ATL2: variants seen among roughly 807,000 people sequenced by gnomAD.
ATL2 encodes atlastin-2.
ATL2 carries 31 observed loss-of-function variants against 73.9 expected under a neutral mutation model. That is an observed-to-expected ratio of 0.42 (90% CI 0.32 to 0.57). The LOEUF (loss-of-function observed/expected upper bound fraction) is 0.57, where lower values mean the gene tolerates loss of function less well. Among genes scored for constraint, ATL2 ranks in the 20% least tolerant of loss-of-function variants. The pLI is 0.14. For synonymous variants in ATL2, 291 were observed against 237.5 expected, an observed-to-expected ratio of 1.23 and a Z score of -2.07; for missense variants, 738 against 702.6, an observed-to-expected ratio of 1.05 and a Z score of -0.57.
intron 1 of ATL2, among the ~76,000 whole-genome samples, chr2:38,345,126 G>T (rs1558434696): frequency 6.6e-6 from 1 of 151,954 alleles, no homozygotes; most frequent in African/African-American, 2.4e-5. Flanking sequence ...TACTCCTGGG[G>T]ACCTTATCTT....
intron 2 of ATL2, among the ~76,000 whole-genome samples, chr2:38,337,040 T>C (rs1669397824): frequency 6.6e-6 from 1 of 151,900 alleles, no homozygotes; most frequent in Admixed American, 6.6e-5. Flanking sequence ...AAATCCAGAG[T>C]GGGAAACCCT....
chr2:38,359,853 C>A (rs895449525), intron 1 of ATL2, among the ~76,000 whole-genome samples: 12 of 151,954 alleles, frequency 7.9e-5, no homozygotes, highest in African/African-American at 2.7e-4. Flanking sequence ...GTTGGCCGGG[C>A]GCGGTGGCTC....
intron 1 of ATL2, among the ~76,000 whole-genome samples, chr2:38,374,097 G>A (rs555901772): frequency 3.6e-4 from 55 of 152,258 alleles, no homozygotes; most frequent in African/African-American, 1.3e-3. Context: ...CTCCATGTTG[G>A]TCAGGCTGGT....
intron 6 of ATL2, 74 bp from the exon 7 acceptor site, chr2:38,313,317 A>G (rs899471552): frequency 2.6e-5 from 27 of 1,045,728 alleles, no homozygotes; most frequent in Non-Finnish European, 7.0e-6. Context: ...ACTCTTAACA[A>G]TTGAAGCCTC....
chr2:38,309,530 C>T (rs1558393949), intron 8 of ATL2, 24 bp from the exon 9 acceptor site: 2 of 1,593,896 alleles, frequency 1.3e-6, no homozygotes, highest in Admixed American at 3.7e-5. Context: ...AATTGAGCAA[C>T]ATATTAGTCC....
rs80342288 is a variant in ATL2 at position 38,301,712 on chromosome 2, C to T, written c.1072-1384G>A. Among the ~76,000 whole-genome samples the T allele has an allele frequency of 6.8e-3, 1,042 of 152,356 alleles. 11 individuals are homozygous for T. The highest frequency in any genetic ancestry group is 0.056 in the East Asian group (293 of 5,186). ...CAGCCAGTCCTGCCACCATGGGCTA[C>T]AGTGCTCTGAGGTCCTGAATAAACT... On this transcript the variant is annotated intron_variant, in intron 9 of 12. Transcript: ENST00000378954.
chr2:38,377,372 G>A (rs1672053740), upstream of ATL2: 3 of 799,982 alleles, frequency 3.8e-6, no homozygotes, highest in Non-Finnish European at 3.7e-6. Context: ...CTCTCCGCCT[G>A]TATCTCCTCG....
At chr2:38,373,609 T>C (rs775026578) in intron 1 of ATL2, among the ~76,000 whole-genome samples, 7 of 152,144 alleles carry the variant, frequency 4.6e-5, no homozygotes, top group Middle Eastern at 3.2e-3. Context: ...TGTCTCAGAG[T>C]AGGTAGTGAA....
chr2:38,375,387 T>TG (rs1358006911), intron 1 of ATL2, among the ~76,000 whole-genome samples: 2 of 152,272 alleles, frequency 1.3e-5, no homozygotes, highest in East Asian at 3.9e-4. Context: ...GGCTATCAAG[T>TG]GAAGGTCTTG....
chr2:38,313,340 A>C (rs1219523439), intron 6 of ATL2, 97 bp from the exon 7 acceptor site: 1 of 821,162 alleles, frequency 1.2e-6, no homozygotes, highest in African/African-American at 1.7e-5. Context: ...TTACTCTCCT[A>C]AACAATCCTT....
At chr2:38,313,016 G>A (rs1667842224) in intron 7 of ATL2, 135 bp downstream of exon 7, 1 of 587,060 alleles carries the variant, frequency 1.7e-6, no homozygotes, top group South Asian at 2.4e-5. Context: ...ATTACAAACA[G>A]AGTCACTTGG....
At chr2:38,298,691 T>A in intron 11 of ATL2, 116 bp from the exon 12 acceptor site, 1 of 1,046,554 alleles carries the variant, frequency 9.6e-7, no homozygotes, top group Non-Finnish European at 1.4e-6. Context: ...GAGTCAGTTT[T>A]AAACTCACTT....
At position 38,326,067 on chromosome 2, in the gene ATL2, G is replaced by C. The variant is rs144286208; in HGVS notation, c.364-7048C>G. 7.2e-4 allele frequency among the ~76,000 whole-genome samples: 110 copies of C among 152,174 alleles called. No individual in the cohort carries two copies. In the East Asian group the frequency reaches 0.014, roughly 19 times the overall value. ...AGCCTGGGCAACATAAGGAGACTGT[G>C]TCTCAAAAAAGAATAAAAATAAAAC... On this transcript the variant is annotated intron_variant, in intron 2 of 12. Coordinates refer to ENST00000378954, the MANE Select transcript of ATL2 (RefSeq NM_001135673.4).
chr2:38,377,167 G>A lies in ATL2; in HGVS notation c.94C>T (p.His32Tyr), dbSNP rs1429375168. The A allele has an allele frequency of 2.5e-6, 4 of 1,610,802 alleles. No homozygotes were observed. The highest frequency in any genetic ancestry group is 1.7e-5 in the Admixed American group (1 of 59,936). ...CCTAGGGAGGTCGTGGACGAGACGTGGTTAACCGCGGCGCTTGGGTCGCTG... is the reference window on the plus strand; with the variant it reads ...CCTAGGGAGGTCGTGGACGAGACGTAGTTAACCGCGGCGCTTGGGTCGCTG... ...RTSDPSAAVN[H>Y]VSSTTSLGEN... The change falls in exon 1 of 13, where the codon CAC (histidine) becomes TAC (tyrosine). Residue 32 changes from histidine (H) to tyrosine (Y), a missense_variant. Coordinates refer to ENST00000378954, the MANE Select transcript of ATL2 (RefSeq NM_001135673.4).
chr2:38,330,142 G>GA (rs58004868), intron 2 of ATL2, among the ~76,000 whole-genome samples: 17,870 of 92,312 alleles, frequency 0.19, 2,584 homozygotes, highest in African/African-American at 0.45. Context: ...AGAAAAGAAA[G>GA]AAAAAAAAAA....
chr2:38,365,855 G>A (rs1369707157), intron 1 of ATL2, among the ~76,000 whole-genome samples: 1 of 152,032 alleles, frequency 6.6e-6, no homozygotes. Flanking sequence ...GCTGAGGCAG[G>A]AGAATGGTTT....
chr2:38,320,548 C>T (rs1480068127), intron 2 of ATL2, among the ~76,000 whole-genome samples: 2 of 151,946 alleles, frequency 1.3e-5, no homozygotes, highest in African/African-American at 2.4e-5. Flanking sequence ...TGAAATAATA[C>T]AAAAGTTAAC....
At chr2:38,358,648 T>G in intron 1 of ATL2, 1 of 196,984 alleles carries the variant, frequency 5.1e-6, no homozygotes, top group Non-Finnish European at 1.1e-5. Context: ...GCCGAGACCG[T>G]GCCACTGCAC....
Position 38,315,280 on chromosome 2 carries a change from G to A in ATL2, c.654+4C>T, listed in dbSNP as rs1260094146. 1.8e-5 allele frequency: 26 copies of A among 1,482,406 alleles called. No individual in the cohort carries two copies. Among genetic ancestry groups the A allele is most frequent in the African/African-American group, 7.4e-5 (5 of 67,334 alleles). 91.8% of individuals were successfully genotyped at this position (1,482,406 alleles called of 1,614,324 possible). Reference sequence around the variant, plus strand: ...AAATAAAAATTAAAAAAAGAAATACGTACTTGCAAATGTTGAAGATCATCT... The same window carrying A: ...AAATAAAAATTAAAAAAAGAAATACATACTTGCAAATGTTGAAGATCATCT... On this transcript the variant is annotated splice_donor_region_variant and intron_variant, in intron 5 of 12. Transcript: ENST00000378954.
Sources: gnomAD v4.1 joint callset for allele counts (sites outside exome capture counted in the v4.1 genomes callset) on GRCh38, gnomAD v4.1.1 for gene constraint, MANE v1.5 for transcripts, NCBI Gene and HGNC (gene_info 2026-07-23, HGNC 2026-07-21) for gene names.